The following CSMD3 variants were observed in gnomAD, a reference collection of about 807,000 sequenced individuals.
CSMD3 encodes the protein CUB and sushi domain-containing protein 3.
CSMD3 carries 177 observed loss-of-function variants against 435.2 expected under a neutral mutation model. The observed-to-expected ratio is 0.41, with a 90% CI of 0.36 to 0.46. The LOEUF is 0.46. Ranked by LOEUF, CSMD3 falls within the 20% of genes least tolerant of loss-of-function variation. The pLI is 0.34. For missense variants in CSMD3, 4,265 were observed against 4,504.6 expected, an observed-to-expected ratio of 0.95 and a Z score of 1.52; for synonymous variants, 1,656 against 1,520.5, an observed-to-expected ratio of 1.09 and a Z score of -2.07.
chr8:112,689,971 A>T lies in CSMD3; in HGVS notation c.2052T>A (p.Asp684Glu). 6.2e-7 allele frequency: 1 copy of T among 1,613,160 alleles called. No homozygotes were observed. Among genetic ancestry groups the T allele is most frequent in the Non-Finnish European group, 8.5e-7 (1 of 1,179,310 alleles). The change falls in exon 14 of 71, where the codon GAT becomes GAA. Residue 684 changes from aspartate to glutamate, a missense_variant. Transcript: ENST00000297405. The stretch of plus-strand genomic sequence containing the variant: ...CAAACTGGCATTCAAACCTTAAAAC[A>T]TCACGATTAGAAAATCCATCGCCTT... ...IREGDGFSNR[D>E]VLRFECQFGF...
At chr8:112,838,559 G>GT (rs552554041) in intron 11 of CSMD3, among the ~76,000 whole-genome samples, 17 of 151,428 alleles carry the variant, frequency 1.1e-4, no homozygotes, top group East Asian at 1.9e-4. Context: ...AATTATAATA[G>GT]TTTTTTTTCC....
chr8:113,105,181 T>C (rs1168403941), intron 4 of CSMD3, among the ~76,000 whole-genome samples: 1 of 152,016 alleles, frequency 6.6e-6, no homozygotes, highest in African/African-American at 2.4e-5. Context: ...GACTTAAAAA[T>C]TAAAACTGAG....
At chr8:113,153,165 A>AGGAAGGAAGGAAGGAAGGAC (rs2091863226) in intron 4 of CSMD3, among the ~76,000 whole-genome samples, 1 of 142,710 alleles carries the variant, frequency 7.0e-6, no homozygotes, top group African/African-American at 2.6e-5. Flanking sequence ...GAAGGAAGGA[A>AGGAAGGAAGGAAGGAAGGAC]GGAAGGAAAG....
chr8:112,703,866 A>AGAGGTTTT (rs1299798785), intron 13 of CSMD3, among the ~76,000 whole-genome samples: 1 of 152,124 alleles, frequency 6.6e-6, no homozygotes, highest in Non-Finnish European at 1.5e-5. Context: ...GAAATCTATA[A>AGAGGTTTT]CTGCCCACAG....
intron 6 of CSMD3, among the ~76,000 whole-genome samples, chr8:113,009,438 A>G (rs2086175367): frequency 6.6e-6 from 1 of 151,850 alleles, no homozygotes; most frequent in African/African-American, 2.4e-5. Context: ...ATGAAGAAAA[A>G]TTAATTCCTG....
chr8:113,383,900 C>G (rs1043829699), intron 1 of CSMD3, among the ~76,000 whole-genome samples: 16 of 152,174 alleles, frequency 1.1e-4, no homozygotes, highest in African/African-American at 3.9e-4. Flanking sequence ...TCACTTGGTC[C>G]CTCTGATTTC....
chr8:112,596,391 A>C (rs1230388216), intron 22 of CSMD3, among the ~76,000 whole-genome samples: 1 of 151,860 alleles, frequency 6.6e-6, no homozygotes, highest in Admixed American at 6.6e-5. Context: ...CTACAAAGAG[A>C]CTTAGACTCC....
chr8:112,507,938 T>C (rs1158280653), intron 28 of CSMD3, among the ~76,000 whole-genome samples: 1 of 152,132 alleles, frequency 6.6e-6, no homozygotes, highest in Non-Finnish European at 1.5e-5. Flanking sequence ...CACCACTACT[T>C]TCCTGTCGCT....
At chr8:113,216,797 T>C (rs1315877195) in intron 3 of CSMD3, among the ~76,000 whole-genome samples, 1 of 151,840 alleles carries the variant, frequency 6.6e-6, no homozygotes, top group Admixed American at 6.6e-5. Context: ...GGTTTGAGGA[T>C]GTAGCTGGAA....
At chr8:112,737,560 C>T (rs1449001583) in intron 13 of CSMD3, among the ~76,000 whole-genome samples, 1 of 151,902 alleles carries the variant, frequency 6.6e-6, no homozygotes, top group Non-Finnish European at 1.5e-5. Flanking sequence ...TTGCCCTGGA[C>T]AGTTCCAGTT....
intron 19 of CSMD3, among the ~76,000 whole-genome samples, chr8:112,646,479 C>A (rs750032801): frequency 6.6e-6 from 1 of 152,088 alleles, no homozygotes; most frequent in Non-Finnish European, 1.5e-5. Flanking sequence ...AATAAAGACA[C>A]TTTGTCAAGT....
chr8:112,933,352 T>C (rs1025458634), intron 9 of CSMD3, among the ~76,000 whole-genome samples: 7 of 152,200 alleles, frequency 4.6e-5, no homozygotes, highest in Non-Finnish European at 1.0e-4. Context: ...GTTTGTAATA[T>C]GAGCTGGTTT....
chr8:112,548,451 G>C (rs1015812128), intron 27 of CSMD3, among the ~76,000 whole-genome samples: 4 of 152,228 alleles, frequency 2.6e-5, no homozygotes, highest in African/African-American at 9.6e-5. Flanking sequence ...TAAGCATTTA[G>C]TATGTACAAA....
In CSMD3 at chr8:112,888,744, G is replaced by A. The variant is rs536492198; in HGVS notation, c.1634-29478C>T. On this transcript the variant is annotated intron_variant, in intron 10 of 70. Transcript: ENST00000297405. ...GAGCACTTGTGTAATTTCTGTTAGC[G>A]CCTGTGTAAAGGCCACTCACGTTCA... Among the ~76,000 whole-genome samples, 4 of 151,708 alleles carry A rather than the reference G, an allele frequency of 2.6e-5. No individual in the cohort carries two copies. The South Asian group carries it at 6.2e-4, about 24-fold the overall frequency.
At chr8:112,554,240 T>C (rs867745478) in intron 25 of CSMD3, among the ~76,000 whole-genome samples, 1 of 151,768 alleles carries the variant, frequency 6.6e-6, no homozygotes, top group Non-Finnish European at 1.5e-5. Flanking sequence ...AAGAGAGATA[T>C]CCTATTGGTG....
At chr8:112,733,784 T>A (rs1380278677) in intron 13 of CSMD3, among the ~76,000 whole-genome samples, 1 of 152,006 alleles carries the variant, frequency 6.6e-6, no homozygotes, top group Non-Finnish European at 1.5e-5. Context: ...AATAATTAAA[T>A]GCTAATCTCA....
At chr8:113,244,601 ACCGCGC>A (rs1395741163) in intron 3 of CSMD3, among the ~76,000 whole-genome samples, 2 of 152,168 alleles carry the variant, frequency 1.3e-5, no homozygotes, top group African/African-American at 4.8e-5. Flanking sequence ...GGTGTGAGCC[ACCGCGC>A]CTGGCCTACA....
intron 27 of CSMD3, among the ~76,000 whole-genome samples, chr8:112,522,466 T>A (rs1309365078): frequency 6.6e-6 from 1 of 151,842 alleles, no homozygotes; most frequent in African/African-American, 2.4e-5. Flanking sequence ...AAGTAACACG[T>A]CCTTATCAAA....
At chr8:112,602,133 T>A (rs191804076) in intron 22 of CSMD3, among the ~76,000 whole-genome samples, 5 of 152,310 alleles carry the variant, frequency 3.3e-5, no homozygotes, top group African/African-American at 1.2e-4. Context: ...TTAGGATGAT[T>A]TTTATGTTAT....
Sources: gnomAD v4.1 joint callset for allele counts (sites outside exome capture counted in the v4.1 genomes callset) on GRCh38, gnomAD v4.1.1 for gene constraint, MANE v1.5 for transcripts, NCBI Gene and HGNC (gene_info 2026-07-23, HGNC 2026-07-21) for gene names.